PIP4K2A: variants seen among roughly 807,000 people sequenced by gnomAD.
PIP4K2A encodes phosphatidylinositol 5-phosphate 4-kinase type-2 alpha.
In PIP4K2A, 14 loss-of-function variants were observed where a neutral mutation model predicts 42.9. The observed-to-expected ratio is 0.33, with a 90% CI of 0.22 to 0.51. PIP4K2A has a LOEUF of 0.51. Ranked by LOEUF, PIP4K2A falls within the 20% of genes least tolerant of loss-of-function variation. The pLI is 0.97. For synonymous variants in PIP4K2A, 192 were observed against 192.2 expected (o/e 1.00, Z 0.01); for missense variants, 434 against 519.8 (o/e 0.83, Z 1.61).
At chr10:22,627,588 TAATAAAAAAAAAA>T (rs1351217366) in intron 1 of PIP4K2A, among the ~76,000 whole-genome samples, 1,769 of 38,732 alleles carry the variant, frequency 0.046, 35 homozygotes, top group Middle Eastern at 0.14. Flanking sequence ...AGCTAATATG[TAATAAAAAAAAAA>T]AAAAAAAAAA....
intron 1 of PIP4K2A, among the ~76,000 whole-genome samples, chr10:22,675,127 G>A (rs936820957): frequency 9.2e-5 from 14 of 152,128 alleles, no homozygotes; most frequent in African/African-American, 3.4e-4. Flanking sequence ...CTTCATTCTT[G>A]TAATTTACAT....
intron 1 of PIP4K2A, among the ~76,000 whole-genome samples, chr10:22,629,031 G>A (rs573717844): frequency 1.2e-4 from 18 of 152,212 alleles, no homozygotes; most frequent in Admixed American, 2.0e-4. Context: ...GGGGACCTCA[G>A]AATTTTGTTT....
At position 22,702,052 on chromosome 10, in the gene PIP4K2A, A is replaced by C. The variant is rs189363268; in HGVS notation, c.144+12131T>G. On this transcript the variant is annotated intron_variant, in intron 1 of 9. Coordinates refer to ENST00000376573, the MANE Select transcript of PIP4K2A (RefSeq NM_005028.5). ...AATTCCAAGCTGTGAATTTAGTTTC[A>C]AATGGTCTTGGTCTCCAGTATCCCT... Among the ~76,000 whole-genome samples the C allele has an allele frequency of 7.2e-5, 11 of 152,362 alleles. No homozygotes were observed. The East Asian group carries it at 2.1e-3, about 29-fold the overall frequency.
chr10:22,568,804 G>A (rs1437754983), intron 5 of PIP4K2A, among the ~76,000 whole-genome samples: 1 of 152,102 alleles, frequency 6.6e-6, no homozygotes, highest in Non-Finnish European at 1.5e-5. Context: ...TGACAATCAC[G>A]GTGTCTCATA....
chr10:22,607,881 C>A (rs1306820528), intron 3 of PIP4K2A, 46 bp downstream of exon 3: 4 of 1,252,438 alleles, frequency 3.2e-6, no homozygotes, highest in Non-Finnish European at 3.5e-6. Context: ...AAAGTCATGG[C>A]AAAACCCATT....
intron 1 of PIP4K2A, among the ~76,000 whole-genome samples, chr10:22,612,157 C>T (rs569804382): frequency 6.6e-6 from 1 of 152,328 alleles, no homozygotes; most frequent in African/African-American, 2.4e-5. Context: ...CACCCATCCT[C>T]GCGTCAGCAC....
chr10:22,619,440 T>TTTTC (rs1261242447), intron 1 of PIP4K2A, among the ~76,000 whole-genome samples: 1 of 70,658 alleles, frequency 1.4e-5, no homozygotes, highest in African/African-American at 1.9e-4. Flanking sequence ...TTCTTTTTTC[T>TTTTC]TTTTTTTTTT....
intron 7 of PIP4K2A, 121 bp downstream of exon 7, chr10:22,550,538 G>A (rs1836381208): frequency 4.2e-6 from 3 of 710,188 alleles, no homozygotes; most frequent in Non-Finnish European, 7.6e-6. Context: ...ACTTCCCTAA[G>A]GTAGAGTATG....
intron 3 of PIP4K2A, among the ~76,000 whole-genome samples, chr10:22,592,565 CGGGCTCTGAGTAG>C (rs1210858506): frequency 6.6e-6 from 1 of 152,152 alleles, no homozygotes; most frequent in Non-Finnish European, 1.5e-5. Context: ...TGGACAAGGA[CGGGCTCTGAGTAG>C]GGGCTCTGCT....
At chr10:22,604,569 C>T (rs963962463) in intron 3 of PIP4K2A, among the ~76,000 whole-genome samples, 1 of 152,132 alleles carries the variant, frequency 6.6e-6, no homozygotes, top group Admixed American at 6.5e-5. Context: ...CCAGTGTCCT[C>T]CAAAACACTA....
At chr10:22,679,877 T>G (rs1588702931) in intron 1 of PIP4K2A, among the ~76,000 whole-genome samples, 1 of 151,678 alleles carries the variant, frequency 6.6e-6, no homozygotes, top group Admixed American at 6.6e-5. Context: ...GGGGTAGGGG[T>G]TGGGGGAAAT....
At chr10:22,636,677 T>C (rs968026704) in intron 1 of PIP4K2A, among the ~76,000 whole-genome samples, 6 of 152,252 alleles carry the variant, frequency 3.9e-5, no homozygotes, top group African/African-American at 1.4e-4. Context: ...TTCAAGTCTG[T>C]AGTACAGACT....
intron 8 of PIP4K2A, 105 bp from the exon 9 acceptor site, chr10:22,540,179 T>G: frequency 1.3e-6 from 1 of 744,380 alleles, no homozygotes; most frequent in East Asian, 2.5e-5. Context: ...AGGGAGGGGA[T>G]TCAATGGAAC....
chr10:22,641,596 C>A (rs1838784258), intron 1 of PIP4K2A, among the ~76,000 whole-genome samples: 2 of 151,624 alleles, frequency 1.3e-5, no homozygotes, highest in African/African-American at 4.9e-5. Flanking sequence ...TACGTGCAAC[C>A]ACACTCAGAT....
intron 1 of PIP4K2A, among the ~76,000 whole-genome samples, chr10:22,634,352 T>C (rs1055928230): frequency 6.6e-6 from 1 of 152,214 alleles, no homozygotes; most frequent in African/African-American, 2.4e-5. Flanking sequence ...ATGGTACTTC[T>C]TGTTTATTTT....
Position 22,573,376 on chromosome 10 carries a change from A to G in PIP4K2A, c.574T>C (p.Tyr192His), listed in dbSNP as rs902827091. The G allele has an allele frequency of 2.5e-6, 4 of 1,613,558 alleles. No homozygotes were observed. The highest frequency in any genetic ancestry group is 1.1e-5 in the South Asian group (1 of 91,078). Residue 192 changes from tyrosine (Y) to histidine (H), a missense_variant, in exon 5 of 10, where the codon TAT (tyrosine) becomes CAT (histidine). Transcript: ENST00000376573. ...YRLNVDGVEI[Y>H]VIVTRNVFSH... is the part of the protein sequence containing the mutation. ...AATACATTTCTTGTAACTATCACAT[A>G]TATTTCAACTCCATCAACATTAAGC...
chr10:22,582,637 G>A, intron 4 of PIP4K2A, among the ~76,000 whole-genome samples: 1 of 151,954 alleles, frequency 6.6e-6, no homozygotes, highest in East Asian at 1.9e-4. Context: ...AATCCTTACT[G>A]TGCCATGGGC....
intron 1 of PIP4K2A, among the ~76,000 whole-genome samples, chr10:22,625,256 T>C (rs766879132): frequency 2.9e-4 from 44 of 152,328 alleles, no homozygotes; most frequent in Non-Finnish European, 4.4e-4. Context: ...AAATCACTAT[T>C]AAAACAACAT....
chr10:22,693,382 C>T (rs942807539), intron 1 of PIP4K2A, among the ~76,000 whole-genome samples: 1 of 151,972 alleles, frequency 6.6e-6, no homozygotes, highest in African/African-American at 2.4e-5. Context: ...AGGATTTCAC[C>T]ATCATCACTA....
Sources: gnomAD v4.1 joint callset for allele counts (sites outside exome capture counted in the v4.1 genomes callset) on GRCh38, gnomAD v4.1.1 for gene constraint, MANE v1.5 for transcripts, NCBI Gene and HGNC (gene_info 2026-07-23, HGNC 2026-07-21) for gene names.